DAB1: variants seen among roughly 807,000 people sequenced by gnomAD.
DAB1 encodes DAB adaptor protein 1.
Under a neutral mutation model 64.6 loss-of-function variants are expected in DAB1, and 15 were observed. The observed-to-expected ratio is 0.23, with a 90% CI of 0.16 to 0.36. The LOEUF (loss-of-function observed/expected upper bound fraction) is 0.36. DAB1 is among the 10% of genes least tolerant of loss of function. The pLI, the probability that DAB1 is intolerant of heterozygous loss-of-function variation, is 1.00. For synonymous variants in DAB1, 235 were observed against 251.9 expected (o/e 0.93, Z 0.64); for missense variants, 596 against 706.7 (o/e 0.84, Z 1.78).
intron 1 of DAB1, among the ~76,000 whole-genome samples, chr1:57,303,269 T>G (rs577097958): frequency 6.6e-6 from 1 of 152,228 alleles, no homozygotes; most frequent in Admixed American, 6.5e-5. Flanking sequence ...CACAGATGCC[T>G]CCTCCCTAGC....
At chr1:57,261,309 T>C (rs1175987092) in intron 2 of DAB1, among the ~76,000 whole-genome samples, 1 of 152,104 alleles carries the variant, frequency 6.6e-6, no homozygotes, top group Non-Finnish European at 1.5e-5. Flanking sequence ...CATCCAACAA[T>C]GAAATGTTTA....
At chr1:58,452,438 T>C (rs940297904) in intron 3 of DAB1, among the ~76,000 whole-genome samples, 2 of 151,758 alleles carry the variant, frequency 1.3e-5, no homozygotes, top group African/African-American at 4.8e-5. Flanking sequence ...CACGATGATG[T>C]GGGCCAACTG....
rs535087111 is a variant in DAB1 at position 58,230,707 on chromosome 1, C to T, written n.310-80119G>A. 4.6e-5 allele frequency among the ~76,000 whole-genome samples: 7 copies of T among 152,346 alleles called. No homozygotes were observed. In the South Asian group the frequency reaches 1.4e-3, roughly 32 times the overall value. On this transcript the variant is annotated intron_variant and non_coding_transcript_variant, in intron 4 of 20. Transcript: ENST00000485760. ...TGAAAAATCACTGCTTCGTCAGAAG[C>T]AGACATATGACCAAATGCAGCAACA... is the stretch of plus-strand genomic sequence containing the variant.
chr1:57,087,923 T>C (rs1007070796), intron 4 of DAB1, among the ~76,000 whole-genome samples: 2 of 152,218 alleles, frequency 1.3e-5, no homozygotes, highest in African/African-American at 4.8e-5. Context: ...GGGATCATAA[T>C]AGACCAGCAA....
chr1:58,335,103 T>C (rs1487775297), intron 4 of DAB1, among the ~76,000 whole-genome samples: 1 of 152,130 alleles, frequency 6.6e-6, no homozygotes, highest in Admixed American at 6.5e-5. Flanking sequence ...TGAAATCATA[T>C]ACGATCAGGA....
At chr1:58,131,889 C>T (rs915632670) in intron 5 of DAB1, among the ~76,000 whole-genome samples, 2 of 150,370 alleles carry the variant, frequency 1.3e-5, no homozygotes, top group Non-Finnish European at 3.0e-5. Context: ...TTTAAGTCTG[C>T]AGAGGTTACT....
intron 7 of DAB1, among the ~76,000 whole-genome samples, chr1:57,630,346 A>G (rs1311560487): frequency 6.6e-6 from 1 of 152,220 alleles, no homozygotes; most frequent in African/African-American, 2.4e-5. Context: ...TGATGAAAAA[A>G]GAAATGTTAT....
chr1:57,635,057 G>A (rs1646034940), intron 7 of DAB1, among the ~76,000 whole-genome samples: 1 of 152,160 alleles, frequency 6.6e-6, no homozygotes, highest in South Asian at 2.1e-4. Context: ...ATTCATGGAG[G>A]TACAGGGGAC....
chr1:58,301,803 C>T (rs549370616), intron 4 of DAB1, among the ~76,000 whole-genome samples: 4 of 152,190 alleles, frequency 2.6e-5, no homozygotes, highest in Non-Finnish European at 2.9e-5. Flanking sequence ...TGGACAAAAA[C>T]GGTTAATCTT....
At chr1:57,256,698 A>T (rs2100541145) in intron 2 of DAB1, among the ~76,000 whole-genome samples, 1 of 152,326 alleles carries the variant, frequency 6.6e-6, no homozygotes. Context: ...AGCCTTGAAT[A>T]ATATTGCCAG....
intron 7 of DAB1, among the ~76,000 whole-genome samples, chr1:57,594,989 C>A (rs969669142): frequency 2.6e-5 from 4 of 152,118 alleles, no homozygotes; most frequent in African/African-American, 9.7e-5. Flanking sequence ...GGATTACAGG[C>A]GTGAGCCACC....
chr1:57,135,218 C>T (rs1325958870), intron 4 of DAB1, among the ~76,000 whole-genome samples: 1 of 152,184 alleles, frequency 6.6e-6, no homozygotes, highest in Admixed American at 6.5e-5. Flanking sequence ...ATTCCATCTT[C>T]CCAAATTGAA....
intron 7 of DAB1, among the ~76,000 whole-genome samples, chr1:57,557,326 G>T (rs904458568): frequency 1.3e-5 from 2 of 152,070 alleles, no homozygotes; most frequent in African/African-American, 4.8e-5. Flanking sequence ...TTGGAACTCG[G>T]ACTGGCTCTC....
At chr1:58,195,130 G>T (rs200647028) in intron 4 of DAB1, among the ~76,000 whole-genome samples, 3,948 of 141,372 alleles carry the variant, frequency 0.028, 135 homozygotes, top group South Asian at 0.12. Flanking sequence ...CACCAGGAGA[G>T]AGAGAGAGAG....
chr1:58,416,784 G>A (rs747990662), intron 3 of DAB1, among the ~76,000 whole-genome samples: 2 of 151,924 alleles, frequency 1.3e-5, no homozygotes, highest in Non-Finnish European at 2.9e-5. Flanking sequence ...ATCTTCCTCT[G>A]CTTATAAGGC....
intron 4 of DAB1, among the ~76,000 whole-genome samples, chr1:58,152,345 A>C (rs1199346638): frequency 6.6e-6 from 1 of 152,212 alleles, no homozygotes; most frequent in Non-Finnish European, 1.5e-5. Context: ...GCCTTATCAG[A>C]GAGAAGGTAA....
At chr1:57,879,458 G>A (rs1045896789) in intron 1 of DAB1, among the ~76,000 whole-genome samples, 6 of 152,036 alleles carry the variant, frequency 3.9e-5, no homozygotes, top group African/African-American at 1.4e-4. Context: ...TGGTTAAGGC[G>A]ACTAGCACTA....
chr1:57,682,277 T>C (rs1474905438), intron 6 of DAB1, among the ~76,000 whole-genome samples: 2 of 151,306 alleles, frequency 1.3e-5, no homozygotes, highest in Non-Finnish European at 2.9e-5. Context: ...CTCTTGGCTA[T>C]TAAAATATGA....
Position 57,136,729 on chromosome 1 carries a change from C to T in DAB1, c.208-88G>A, listed in dbSNP as rs535014023. On this transcript the variant is annotated intron_variant, in intron 3 of 14. Coordinates refer to ENST00000371236, the MANE Select transcript of DAB1 (RefSeq NM_001365792.1). ...CAAAGGTATGTCCGATACCATCAACCAATGCCACCAATCATGCACACTGCT... is the reference window on the plus strand; with the variant it reads ...CAAAGGTATGTCCGATACCATCAACTAATGCCACCAATCATGCACACTGCT... 41 of 679,520 alleles carry T rather than the reference C, an allele frequency of 6.0e-5. No homozygotes were observed. The East Asian group carries it at 1.1e-3, about 19-fold the overall frequency. The allele number at this position is 679,520 out of a possible 1,614,324, so 42.1% of individuals were successfully genotyped here. A position where few individuals can be genotyped will look rare whatever the true frequency, so the allele number is the denominator to read the frequency against.
Sources: allele counts gnomAD v4.1 joint callset (sites outside exome capture counted in the v4.1 genomes callset), GRCh38; gene constraint gnomAD v4.1.1; transcripts MANE v1.5; gene names NCBI Gene and HGNC (gene_info 2026-07-23, HGNC 2026-07-21).